Variants in CRIM1 observed in about 807,000 individuals in gnomAD.
CRIM1 encodes the protein cysteine rich transmembrane BMP regulator 1, also known as cysteine-rich motor neuron 1 protein.
Under a neutral mutation model 116.4 loss-of-function variants are expected in CRIM1, and 32 were observed. The observed-to-expected ratio is 0.27, with a 90% CI of 0.21 to 0.37. The LOEUF (loss-of-function observed/expected upper bound fraction) is 0.37. CRIM1 is among the 10% of genes least tolerant of loss of function. The pLI, the probability that CRIM1 is intolerant of heterozygous loss-of-function variation, is 1.00. For synonymous variants in CRIM1, 590 were observed against 509.2 expected (o/e 1.16, Z -2.13); for missense variants, 1,331 against 1,354.8 (o/e 0.98, Z 0.28).
Position 36,548,548 on chromosome 2 carries a change from A to G in CRIM1, c.2958A>G (p.Leu986=). ...AGCCTTCTTCCTTAAATAATCAGCT[A>G]GTATCTGTGGACTGCAAGAAAGGAA... ...PTKPSSLNNQ[L]VSVDCKKGTR... is the part of the protein sequence containing the mutation. The change falls in exon 17 of 17, where the codon CTA becomes CTG. Residue 986 remains leucine (L), a synonymous_variant. Coordinates refer to ENST00000280527, the MANE Select transcript of CRIM1 (RefSeq NM_016441.3). 1 of 1,585,034 alleles carries G rather than the reference A, an allele frequency of 6.3e-7. No individual in the cohort carries two copies. Among genetic ancestry groups the G allele is most frequent in the African/African-American group, 1.4e-5 (1 of 73,096 alleles).
chr2:36,479,769 G>T, intron 7 of CRIM1, 75 bp downstream of exon 7: 2 of 1,438,874 alleles, frequency 1.4e-6, no homozygotes, highest in Non-Finnish European at 2.0e-6. Flanking sequence ...GTACGTTCTT[G>T]TTTGTTTATT....
intron 4 of CRIM1, among the ~76,000 whole-genome samples, chr2:36,446,439 A>G (rs761754420): frequency 5.9e-5 from 9 of 152,324 alleles, no homozygotes; most frequent in South Asian, 2.1e-4. Context: ...TTCCACTTCT[A>G]TCCCTCACAA....
intron 11 of CRIM1, among the ~76,000 whole-genome samples, chr2:36,515,673 C>T (rs561974484): frequency 6.6e-6 from 1 of 152,334 alleles, no homozygotes; most frequent in South Asian, 2.1e-4. Context: ...ATTTGAGTTT[C>T]TCTTTTGTCT....
chr2:36,400,187 A>G (rs1334042342), intron 2 of CRIM1, among the ~76,000 whole-genome samples: 1 of 152,208 alleles, frequency 6.6e-6, no homozygotes, highest in African/African-American at 2.4e-5. Context: ...AGTCAGTGAT[A>G]TGGAGAGTAG....
At chr2:36,369,445 C>G (rs577456219) in intron 1 of CRIM1, among the ~76,000 whole-genome samples, 2 of 152,334 alleles carry the variant, frequency 1.3e-5, no homozygotes, top group African/African-American at 4.8e-5. Flanking sequence ...TTTCCAGCTA[C>G]TGGGCAACCC....
At chr2:36,372,995 A>T (rs1409390100) in intron 1 of CRIM1, among the ~76,000 whole-genome samples, 2 of 148,908 alleles carry the variant, frequency 1.3e-5, no homozygotes, top group Non-Finnish European at 3.0e-5. Context: ...AAACTTTTAT[A>T]TGGCTTCATA....
chr2:36,512,470 A>G (rs1014629913), intron 10 of CRIM1, 76 bp downstream of exon 10: 10 of 1,498,916 alleles, frequency 6.7e-6, no homozygotes, highest in Non-Finnish European at 7.3e-6. Context: ...GACACCCTGT[A>G]ATGAAATGGT....
intron 2 of CRIM1, among the ~76,000 whole-genome samples, chr2:36,398,882 C>T (rs892717161): frequency 2.0e-5 from 3 of 152,130 alleles, no homozygotes; most frequent in African/African-American, 7.2e-5. Context: ...TAAATAGTCA[C>T]GTCGTTAATA....
In CRIM1 at chr2:36,436,601, A is replaced by C. The variant is rs145999072; in HGVS notation, c.506-4657A>C. ...GAGGTATAGGTAATCAGAATGTCATAATTAAGCTTGATTTAATAGATAACG... is the reference window on the plus strand; with the variant it reads ...GAGGTATAGGTAATCAGAATGTCATCATTAAGCTTGATTTAATAGATAACG... On this transcript the variant is annotated intron_variant, in intron 2 of 16. Coordinates refer to ENST00000280527, the MANE Select transcript of CRIM1 (RefSeq NM_016441.3). Among the ~76,000 whole-genome samples, 437 of 152,316 alleles carry C rather than the reference A, an allele frequency of 2.9e-3. 3 individuals carry two copies. Among genetic ancestry groups the C allele is most frequent in the African/African-American group, 9.9e-3 (413 of 41,566 alleles).
chr2:36,360,755 CT>C (rs1267862956), intron 1 of CRIM1, among the ~76,000 whole-genome samples: 2 of 152,136 alleles, frequency 1.3e-5, no homozygotes, highest in African/African-American at 4.8e-5. Context: ...GGAAACTACT[CT>C]CACCACTCTG....
At chr2:36,397,297 TAA>T (rs1672097574) in intron 2 of CRIM1, among the ~76,000 whole-genome samples, 1 of 152,228 alleles carries the variant, frequency 6.6e-6, no homozygotes, top group Admixed American at 6.5e-5. Context: ...CCTCTGGAGA[TAA>T]GTCAGAAATT....
intron 1 of CRIM1, among the ~76,000 whole-genome samples, chr2:36,389,594 C>T (rs1026725368): frequency 2.6e-5 from 4 of 152,118 alleles, no homozygotes; most frequent in Admixed American, 2.0e-4. Context: ...AAGTGGATTG[C>T]CATATAATAG....
chr2:36,411,356 C>T (rs1673187233), intron 2 of CRIM1, among the ~76,000 whole-genome samples: 2 of 152,078 alleles, frequency 1.3e-5, no homozygotes, highest in South Asian at 4.1e-4. Flanking sequence ...TAATGTTGCC[C>T]TTGGGGGTCC....
chr2:36,391,602 C>T (rs962603211), intron 1 of CRIM1, among the ~76,000 whole-genome samples: 1 of 152,146 alleles, frequency 6.6e-6, no homozygotes, highest in Non-Finnish European at 1.5e-5. Context: ...AGGTACCCAG[C>T]ATTCTTTTGT....
rs118105697 is a variant in CRIM1 at position 36,443,842 on chromosome 2, C to A, written c.869+1107C>A. 2.2e-3 allele frequency among the ~76,000 whole-genome samples: 330 copies of A among 152,294 alleles called. 3 individuals are homozygous for A. The East Asian group carries it at 0.051, about 24-fold the overall frequency. Reference sequence around the variant, plus strand: ...TCCTTGGCATCTCCTAGCCTTTGTTCTGTCAAACCTAGTATTCTCTAAGAC... The same window carrying A: ...TCCTTGGCATCTCCTAGCCTTTGTTATGTCAAACCTAGTATTCTCTAAGAC... On this transcript the variant is annotated intron_variant, in intron 4 of 16. Coordinates refer to ENST00000280527, the MANE Select transcript of CRIM1 (RefSeq NM_016441.3).
chr2:36,529,145 T>C (rs711247), intron 13 of CRIM1: 391,278 of 471,168 alleles, frequency 0.83, 163,210 homozygotes, highest in East Asian at 0.98. Context: ...TCTCTTATTT[T>C]GGTCCAGGAG....
intron 2 of CRIM1, among the ~76,000 whole-genome samples, chr2:36,417,866 T>C (rs1014118934): frequency 1.3e-5 from 2 of 152,222 alleles, no homozygotes; most frequent in African/African-American, 2.4e-5. Context: ...AAAGGAGTTA[T>C]ATTCTGACTA....
chr2:36,484,646 C>T (rs991256157), intron 7 of CRIM1, among the ~76,000 whole-genome samples: 2 of 152,128 alleles, frequency 1.3e-5, no homozygotes, highest in African/African-American at 4.8e-5. Context: ...TCTTGGGCTG[C>T]GGCTGGACCC....
chr2:36,389,261 CAG>C (rs1340488845), intron 1 of CRIM1, among the ~76,000 whole-genome samples: 3 of 152,136 alleles, frequency 2.0e-5, no homozygotes, highest in African/African-American at 7.2e-5. Flanking sequence ...AAGCTTGAAG[CAG>C]AGAGAATGAA....
Sources: allele counts gnomAD v4.1 joint callset (sites outside exome capture counted in the v4.1 genomes callset), GRCh38; gene constraint gnomAD v4.1.1; transcripts MANE v1.5; gene names NCBI Gene and HGNC (gene_info 2026-07-23, HGNC 2026-07-21).